AXIN2: variants seen among roughly 807,000 people sequenced by gnomAD.
AXIN2 encodes the protein axin-2.
AXIN2 carries 21 observed loss-of-function variants against 74.7 expected under a neutral mutation model. The observed-to-expected ratio is 0.28, with a 90% CI of 0.20 to 0.40. The LOEUF is 0.40. Ranked by LOEUF, AXIN2 falls within the 10% of genes least tolerant of loss-of-function variation. The pLI is 1.00. For missense variants in AXIN2, 1,144 were observed against 1,111.1 expected, an observed-to-expected ratio of 1.03 and a Z score of -0.42; for synonymous variants, 532 against 454.9, an observed-to-expected ratio of 1.17 and a Z score of -2.16.
intron 10 of AXIN2, 32 bp downstream of exon 10, chr17:65,533,880 C>CT (rs1372527705): frequency 7.3e-7 from 1 of 1,361,464 alleles, no homozygotes; most frequent in Non-Finnish European, 9.8e-7. Flanking sequence ...AGCAAACAAA[C>CT]TGAGAGCAGA....
intron 2 of AXIN2, among the ~76,000 whole-genome samples, chr17:65,551,498 T>C (rs973169512): frequency 5.3e-5 from 8 of 152,008 alleles, no homozygotes; most frequent in African/African-American, 1.9e-4. Flanking sequence ...GGAGAAAGCA[T>C]TCCCATCAGC....
In AXIN2 at chr17:65,528,796, C is replaced by A; in HGVS notation, c.*1180G>T. The A allele has an allele frequency of 2.1e-6, 1 of 485,678 alleles. No homozygotes were observed. The highest frequency in any genetic ancestry group is 1.8e-5 in the South Asian group (1 of 54,904). The allele number at this position is 485,678 out of a possible 1,614,324, so 30.1% of individuals were successfully genotyped here. On this transcript the variant is annotated 3_prime_UTR_variant, in exon 11 of 11. Transcript: ENST00000307078. ...GAAAGCTTGAGCCCTCAATATAGGG[C>A]GACACACGGAGCGGGTGACCGTGCA...
In AXIN2 at chr17:65,529,809, C is replaced by CA. The variant is rs1325169306; in HGVS notation, c.*166dup. 2 of 1,085,846 alleles carry CA rather than the reference C, an allele frequency of 1.8e-6. No homozygotes were observed. Among genetic ancestry groups the CA allele is most frequent in the Non-Finnish European group, 2.7e-6 (2 of 742,662 alleles). 67.3% of individuals were successfully genotyped at this position (1,085,846 alleles called of 1,614,324 possible). On this transcript the variant is annotated 3_prime_UTR_variant, in exon 11 of 11. Transcript: ENST00000307078. The stretch of plus-strand genomic sequence containing the variant: ...TACCCAGCTCATGAATCATGAAAAT[C>CA]AACCTCCCCCCGCCCTCCCGAAGGC...
chr17:65,533,784 C>T (rs531167593), intron 10 of AXIN2, 128 bp downstream of exon 10: 1 of 1,063,188 alleles, frequency 9.4e-7, no homozygotes, highest in Non-Finnish European at 1.4e-6. Context: ...GAGCCTCCCC[C>T]AGCGCCTGCT....
At chr17:65,535,592 G>A in intron 9 of AXIN2, 34 bp downstream of exon 9, 1 of 1,582,006 alleles carries the variant, frequency 6.3e-7, no homozygotes, top group Non-Finnish European at 8.7e-7. Context: ...AAAGCACTCG[G>A]CAGATCTCAG....
In AXIN2 at chr17:65,536,564, A is replaced by T. The variant is rs770778422; in HGVS notation, c.1908-11T>A. 1.2e-6 allele frequency: 2 copies of T among 1,613,340 alleles called. No individual in the cohort carries two copies. The highest frequency in any genetic ancestry group is 2.2e-5 in the East Asian group (1 of 44,874). On this transcript the variant is annotated splice_polypyrimidine_tract_variant and intron_variant, in intron 7 of 10. Transcript: ENST00000307078. ...TTTGTGCTTTGGGCACTAAACAAGG[A>T]ATGAGCAGAGAGAAAACAGAAGGAA...
intron 2 of AXIN2, among the ~76,000 whole-genome samples, chr17:65,551,056 C>A (rs2044185286): frequency 6.6e-6 from 1 of 152,146 alleles, no homozygotes; most frequent in Non-Finnish European, 1.5e-5. Context: ...AAACTGCCTC[C>A]CAATACAAAG....
intron 3 of AXIN2, among the ~76,000 whole-genome samples, chr17:65,543,055 A>G (rs944394105): frequency 2.0e-5 from 3 of 152,234 alleles, no homozygotes; most frequent in African/African-American, 7.2e-5. Context: ...GAAGATTCCA[A>G]TAGATCAACA....
intron 3 of AXIN2, among the ~76,000 whole-genome samples, 186 bp downstream of exon 3, chr17:65,549,334 G>A (rs1237436107): frequency 6.6e-6 from 1 of 152,166 alleles, no homozygotes; most frequent in East Asian, 1.9e-4. Flanking sequence ...ACCCTACCCA[G>A]ATGACCATGT....
At chr17:65,550,377 G>T (rs1299859008) in intron 2 of AXIN2, among the ~76,000 whole-genome samples, 1 of 152,170 alleles carries the variant, frequency 6.6e-6, no homozygotes, top group Non-Finnish European at 1.5e-5. Context: ...TCAAAGGAAG[G>T]CCCAGGCCCC....
intron 10 of AXIN2, among the ~76,000 whole-genome samples, chr17:65,531,182 G>A (rs1483750733): frequency 1.9e-5 from 2 of 104,188 alleles, no homozygotes; most frequent in African/African-American, 7.9e-5. Flanking sequence ...GTTGGGCTTT[G>A]TCTTTTCCCT....
In AXIN2 at chr17:65,542,287, T is replaced by C. The variant is rs564850307; in HGVS notation, c.957-730A>G. Among the ~76,000 whole-genome samples the C allele has an allele frequency of 2.6e-5, 4 of 152,342 alleles. No homozygotes were observed. The South Asian group carries it at 6.2e-4, about 24-fold the overall frequency. On this transcript the variant is annotated intron_variant, in intron 3 of 10. Transcript: ENST00000307078. ...AATCCATTTAAAGATTAGCACCTAC[T>C]ATGTGCCAGATCTTCTCCTAGGCAC...
At chr17:65,539,671 A>G (rs2144489567) in intron 4 of AXIN2, among the ~76,000 whole-genome samples, 1 of 152,374 alleles carries the variant, frequency 6.6e-6, no homozygotes, top group Non-Finnish European at 1.5e-5. Context: ...AGGAGCTTTC[A>G]GAGAAGAGCT....
intron 9 of AXIN2, among the ~76,000 whole-genome samples, chr17:65,534,924 T>C (rs112688019): frequency 0.077 from 11,661 of 152,002 alleles, 664 homozygotes; most frequent in East Asian, 0.27. Flanking sequence ...GGCGAGACTC[T>C]GTCTCAAAAA....
chr17:65,561,205 G>A (rs1457940238), intron 1 of AXIN2: 1 of 149,200 alleles, frequency 6.7e-6, no homozygotes, highest in Non-Finnish European at 1.5e-5. Context: ...GCACTTCAAA[G>A]GCGCGAGCCG....
At chr17:65,546,168 A>G (rs2044115972) in intron 3 of AXIN2, among the ~76,000 whole-genome samples, 1 of 149,926 alleles carries the variant, frequency 6.7e-6, no homozygotes, top group Non-Finnish European at 1.5e-5. Context: ...GGCTCTTTTC[A>G]TGCTTTATGG....
chr17:65,546,992 C>T (rs1289152919), intron 3 of AXIN2, among the ~76,000 whole-genome samples: 1 of 152,320 alleles, frequency 6.6e-6, no homozygotes, highest in African/African-American at 2.4e-5. Context: ...ACACACTAAC[C>T]CTTGCCACCT....
intron 2 of AXIN2, 73 bp downstream of exon 2, chr17:65,557,727 ACCCATC>A: frequency 7.2e-7 from 1 of 1,393,834 alleles, no homozygotes; most frequent in African/African-American, 1.5e-5. Context: ...TCTGCAGCAC[ACCCATC>A]CACCCATCCA....
chr17:65,536,841 G>A (rs762463930), intron 7 of AXIN2, 28 bp downstream of exon 7: 5 of 1,612,228 alleles, frequency 3.1e-6, no homozygotes, highest in Non-Finnish European at 4.2e-6. Context: ...TGACCCTCGC[G>A]GCCGCGGCGG....
Sources: gnomAD v4.1 joint callset for allele counts (sites outside exome capture counted in the v4.1 genomes callset) on GRCh38, gnomAD v4.1.1 for gene constraint, MANE v1.5 for transcripts, NCBI Gene and HGNC (gene_info 2026-07-23, HGNC 2026-07-21) for gene names.